The following FAM136A variants were observed in gnomAD, a reference collection of about 807,000 sequenced individuals.
FAM136A encodes the protein TIM double twin CX3C motif chaperone, also known as TIM double twin CX3C motif protein.
Under a neutral mutation model 21.6 loss-of-function variants are expected in FAM136A, and 25 were observed. That is an observed-to-expected ratio of 1.16 (90% CI 0.84 to 1.62). The LOEUF is 1.62. Ranked by LOEUF, FAM136A falls within the 40% of genes most tolerant of loss-of-function variation. FAM136A has a pLI of 0.00. For synonymous variants in FAM136A, 119 were observed against 129.4 expected, an observed-to-expected ratio of 0.92 and a Z score of 0.55; for missense variants, 338 against 332.0, an observed-to-expected ratio of 1.02 and a Z score of -0.14.
intron 1 of FAM136A, chr2:70,301,184 G>A (rs1191342245): frequency 6.4e-6 from 5 of 775,498 alleles, no homozygotes; most frequent in Non-Finnish European, 1.0e-5. Flanking sequence ...GTGTTTCATG[G>A]TGTCCTTGCT....
Position 70,296,413 on chromosome 2 carries a change from C to T in FAM136A, c.*876G>A, listed in dbSNP as rs1313422682. 6.6e-6 allele frequency: 1 copy of T among 152,214 alleles called. No individual in the cohort carries two copies. The highest frequency in any genetic ancestry group is 1.5e-5 in the Non-Finnish European group (1 of 68,056). The allele number at this position is 152,214 out of a possible 1,614,324, so 9.4% of individuals were successfully genotyped here. On this transcript the variant is annotated 3_prime_UTR_variant, in exon 3 of 3. Coordinates refer to ENST00000430566, the MANE Select transcript of FAM136A (RefSeq NM_001329752.2). Reference sequence around the variant, plus strand: ...CATTTACTCTGTTGTAATCAAGTAGCCAACTGCTCCTCTTTTACTGTTCAT... The same window carrying T: ...CATTTACTCTGTTGTAATCAAGTAGTCAACTGCTCCTCTTTTACTGTTCAT...
chr2:70,300,862 G>A lies in FAM136A; in HGVS notation c.527C>T (p.Thr176Ile). The change falls in exon 2 of 3, where the codon ACC (threonine) becomes ATC (isoleucine). Residue 176 changes from threonine (T) to isoleucine (I), a missense_variant. Physicochemically the swap from Thr to Ile is moderately conservative, Grantham distance 89. Coordinates refer to ENST00000430566, the MANE Select transcript of FAM136A (RefSeq NM_001329752.2). The part of the protein sequence containing the change: ...VPLAQAQALV[T>I]SELEKFQDRL... ...CACCTGGAACTTCTCCAGCTCACTG[G>A]TGACCAAAGCCTGGGCTTGAGCCAG... The A allele has an allele frequency of 6.2e-7, 1 of 1,612,240 alleles. No homozygotes were observed. The highest frequency in any genetic ancestry group is 8.5e-7 in the Non-Finnish European group (1 of 1,178,434).
intron 1 of FAM136A, 180 bp from the exon 2 acceptor site, chr2:70,301,160 C>CAT: frequency 1.2e-6 from 1 of 803,378 alleles, no homozygotes. Flanking sequence ...AAATTATCCT[C>CAT]AATGTCTAGT....
rs139863722 is a variant in FAM136A at position 70,301,924 on chromosome 2, C to T, written c.88G>A (p.Val30Ile). The stretch of plus-strand genomic sequence containing the variant: ...TCCTGGTTCGGCCCCAGCCCCGCTA[C>T]CTGCATCTTCCGGATGTTCTCTCTT... ...LERENIRKMQ[V>I]AGLGPNQDPL... The change falls in exon 1 of 3, where the codon GTA becomes ATA. Residue 30 changes from valine to isoleucine, a missense_variant. Coordinates refer to ENST00000430566, the MANE Select transcript of FAM136A (RefSeq NM_001329752.2). 3.1e-4 allele frequency: 503 copies of T among 1,607,388 alleles called. No homozygotes were observed. Among genetic ancestry groups the T allele is most frequent in the Non-Finnish European group, 3.9e-4 (463 of 1,177,982 alleles).
intron 2 of FAM136A, among the ~76,000 whole-genome samples, chr2:70,300,036 G>A (rs1186412981): frequency 3.3e-5 from 5 of 151,896 alleles, no homozygotes; most frequent in Admixed American, 3.3e-4. Context: ...CGAGTAGCTG[G>A]GATTACAGGC....
Position 70,301,608 on chromosome 2 carries a change from G to A in FAM136A, c.404C>T (p.Pro135Leu), listed in dbSNP as rs1180469779. 1 of 1,535,864 alleles carries A rather than the reference G, an allele frequency of 6.5e-7. No individual in the cohort carries two copies. Among genetic ancestry groups the A allele is most frequent in the African/African-American group, 1.4e-5 (1 of 73,062 alleles). The change falls in exon 1 of 3, where the codon CCG becomes CTG. Residue 135 changes from proline to leucine, a missense_variant. Transcript: ENST00000430566. ...PPPSPLTRPL[P>L]QGLMFRCSAS... ...GCTGGGCCTCGGGCCGCTCACCTGC[G>A]GAAGGGGCCGCGTAAGAGGGGAAGG...
intron 2 of FAM136A, chr2:70,300,359 C>T (rs144441248): frequency 0.016 from 2,420 of 153,202 alleles, 24 homozygotes; most frequent in Non-Finnish European, 0.023. Context: ...GACAGAGTCT[C>T]GCTCTGTTGC....
In FAM136A at chr2:70,301,441, GC is replaced by G. The variant is rs752581046; in HGVS notation, c.408+162del. On this transcript the variant is annotated intron_variant, in intron 1 of 2. Coordinates refer to ENST00000430566, the MANE Select transcript of FAM136A (RefSeq NM_001329752.2). ...AGAAGCAGGACCGAAACACACAGAG[GC>G]ATTGCGGGGCTCAGAGAAGAACAGT... The G allele has an allele frequency of 3.3e-5, 51 of 1,535,444 alleles. No individual in the cohort carries two copies. The South Asian group carries it at 5.8e-4, about 17-fold the overall frequency.
chr2:70,301,740 C>T lies in FAM136A; in HGVS notation c.272G>A (p.Arg91His). 1 of 1,539,246 alleles carries T rather than the reference C, an allele frequency of 6.5e-7. No homozygotes were observed. Among genetic ancestry groups the T allele is most frequent in the South Asian group, 1.2e-5 (1 of 84,022 alleles). Reference protein sequence around the residue: ...FGSFGGSDEIRVPLPCARLFS... With the variant: ...FGSFGGSDEIHVPLPCARLFS... ...CAGCCTCGCGCACGGCAAGGGCACA[C>T]GGATTTCATCCGATCCGCCAAAGCT... Residue 91 changes from arginine to histidine, a missense_variant, in exon 1 of 3, where the codon CGT becomes CAT. Coordinates refer to ENST00000430566, the MANE Select transcript of FAM136A (RefSeq NM_001329752.2).
At chr2:70,300,550 C>A in intron 2 of FAM136A, 1 of 222,950 alleles carries the variant, frequency 4.5e-6, no homozygotes. Context: ...TGGTCTTGAT[C>A]TCCTGCTCTC....
At chr2:70,301,122 A>C (rs1697385933) in intron 1 of FAM136A, 142 bp from the exon 2 acceptor site, 7 of 1,032,058 alleles carry the variant, frequency 6.8e-6, no homozygotes, top group Non-Finnish European at 9.8e-6. Flanking sequence ...GAGAATAGAC[A>C]CCAGGACCTT....
chr2:70,301,220 C>T (rs1697388487), intron 1 of FAM136A: 2 of 818,304 alleles, frequency 2.4e-6, no homozygotes, highest in Middle Eastern at 3.6e-4. Context: ...CCTGTTGCAC[C>T]GATGGTTGGG....
intron 2 of FAM136A, 173 bp downstream of exon 2, chr2:70,300,667 G>T: frequency 1.5e-6 from 1 of 677,228 alleles, no homozygotes. Flanking sequence ...TAAGGCACTC[G>T]ACCGCCAAGA....
chr2:70,299,314 T>A (rs1697332116), intron 2 of FAM136A, among the ~76,000 whole-genome samples: 1 of 152,152 alleles, frequency 6.6e-6, no homozygotes, highest in Non-Finnish European at 1.5e-5. Flanking sequence ...TACTCTTTGC[T>A]CCAGAGAGGG....
In FAM136A at chr2:70,301,621, T is replaced by A. The variant is rs1697402084; in HGVS notation, c.391A>T (p.Thr131Ser). 6.5e-7 allele frequency: 1 copy of A among 1,535,622 alleles called. No individual in the cohort carries two copies. The highest frequency in any genetic ancestry group is 1.2e-5 in the South Asian group (1 of 84,056). ...CCGCTCACCTGCGGAAGGGGCCGCG[T>A]AAGAGGGGAAGGTGGTGGGGCGAGC... is the stretch of plus-strand genomic sequence containing the variant. ...QALAPPPSPL[T>S]RPLPQGLMFR... The change falls in exon 1 of 3, where the codon ACG becomes TCG. Residue 131 changes from threonine to serine, a missense_variant. Coordinates refer to ENST00000430566, the MANE Select transcript of FAM136A (RefSeq NM_001329752.2).
chr2:70,297,177 T>C lies in FAM136A; in HGVS notation c.*112A>G, dbSNP rs1178066386. The C allele has an allele frequency of 3.7e-6, 4 of 1,091,648 alleles. No individual in the cohort carries two copies. In the East Asian group the frequency reaches 1.0e-4, roughly 28 times the overall value. The allele number at this position is 1,091,648 out of a possible 1,614,324, so 67.6% of individuals were successfully genotyped here. ...GCAAGTGACATATGCCTTACGCTTG[T>C]GGCCATCCTTCATTTCTTCATTCGT... On this transcript the variant is annotated 3_prime_UTR_variant, in exon 3 of 3. Transcript: ENST00000430566.
chr2:70,301,715 C>T lies in FAM136A; in HGVS notation c.297G>A (p.Leu99=). Reference sequence around the variant, plus strand: ...GCCCCGGGCTGGAAGGGGCGGAAAACAGCCTCGCGCACGGCAAGGGCACAC... The same window carrying T: ...GCCCCGGGCTGGAAGGGGCGGAAAATAGCCTCGCGCACGGCAAGGGCACAC... The part of the protein sequence containing the change: ...EIRVPLPCAR[L]FSAPSSPGQE... The change falls in exon 1 of 3, where the codon CTG becomes CTA. Residue 99 remains leucine (L), a synonymous_variant. Coordinates refer to ENST00000430566, the MANE Select transcript of FAM136A (RefSeq NM_001329752.2). The T allele has an allele frequency of 6.5e-7, 1 of 1,536,428 alleles. No individual in the cohort carries two copies. The highest frequency in any genetic ancestry group is 1.2e-5 in the South Asian group (1 of 84,012).
At chr2:70,301,401 C>A (rs1468051888) in intron 1 of FAM136A, 19 of 1,529,556 alleles carry the variant, frequency 1.2e-5, no homozygotes, top group Non-Finnish European at 1.7e-5. Context: ...ATCTGGGAAA[C>A]GCATACTCCG....
intron 1 of FAM136A, 31 bp from the exon 2 acceptor site, chr2:70,301,011 G>A (rs1697382762): frequency 1.3e-6 from 2 of 1,593,316 alleles, no homozygotes. Flanking sequence ...GGTTAGGTAG[G>A]AAAGTCTCTG....
Sources: allele counts gnomAD v4.1 joint callset (sites outside exome capture counted in the v4.1 genomes callset), GRCh38; gene constraint gnomAD v4.1.1; transcripts MANE v1.5; gene names NCBI Gene and HGNC (gene_info 2026-07-23, HGNC 2026-07-21).